The following MAP2 variants were observed in gnomAD, a reference collection of about 807,000 sequenced individuals.
MAP2 encodes the protein microtubule-associated protein 2.
A neutral mutation model predicts 137.6 loss-of-function variants in MAP2; 14 were observed. The ratio of observed to expected loss-of-function variants is 0.10; its 90% CI spans 0.07 to 0.16. The LOEUF (loss-of-function observed/expected upper bound fraction) is 0.16, where lower values mean the gene tolerates loss of function less well. Ranked by LOEUF, MAP2 falls within the 10% of genes least tolerant of loss-of-function variation. The pLI is 1.00. For missense variants in MAP2, 2,088 were observed against 2,191.5 expected (o/e 0.95, Z 0.94); for synonymous variants, 786 against 782.3 (o/e 1.00, Z -0.08).
chr2:209,531,245 C>G (rs2065066393), intron 2 of MAP2, among the ~76,000 whole-genome samples: 1 of 152,228 alleles, frequency 6.6e-6, no homozygotes, highest in East Asian at 1.9e-4. Flanking sequence ...CTCTTTATTT[C>G]TAAGTTCTTA....
At chr2:209,709,520 A>G (rs750774507) in intron 12 of MAP2, among the ~76,000 whole-genome samples, 3 of 152,176 alleles carry the variant, frequency 2.0e-5, no homozygotes, top group Non-Finnish European at 2.9e-5. Flanking sequence ...TGATCTACAT[A>G]TCATTCAAGG....
intron 4 of MAP2, among the ~76,000 whole-genome samples, chr2:209,651,346 C>T (rs183739328): frequency 6.4e-4 from 97 of 152,256 alleles, no homozygotes; most frequent in African/African-American, 2.2e-3. Context: ...TATCTGGGGA[C>T]GGATTTGCAA....
chr2:209,728,481 G>A (rs2153817050), intron 14 of MAP2, among the ~76,000 whole-genome samples: 1 of 152,292 alleles, frequency 6.6e-6, no homozygotes. Flanking sequence ...CAGTTTCTAA[G>A]CCTTAAAAGA....
At chr2:209,606,195 T>C (rs192430354) in intron 3 of MAP2, among the ~76,000 whole-genome samples, 428 of 152,302 alleles carry the variant, frequency 2.8e-3, no homozygotes, top group Non-Finnish European at 4.6e-3. Flanking sequence ...GAGAAGACTT[T>C]AATAAATTGT....
At chr2:209,601,289 T>C (rs1479668398) in intron 3 of MAP2, among the ~76,000 whole-genome samples, 1 of 152,188 alleles carries the variant, frequency 6.6e-6, no homozygotes, top group Non-Finnish European at 1.5e-5. Flanking sequence ...TTTTCTTTTT[T>C]TCAAGTTATA....
At chr2:209,654,341 G>A (rs2094998696) in intron 5 of MAP2, among the ~76,000 whole-genome samples, 1 of 152,230 alleles carries the variant, frequency 6.6e-6, no homozygotes. Context: ...AGAAATCCAT[G>A]TGAAATGGAA....
chr2:209,528,216 G>T (rs970984252), intron 2 of MAP2, among the ~76,000 whole-genome samples: 2 of 151,650 alleles, frequency 1.3e-5, no homozygotes, highest in Non-Finnish European at 2.9e-5. Context: ...TTCCCACATG[G>T]TATATGTATA....
rs573440196 is a variant in MAP2 at position 209,606,119 on chromosome 2, T to A, written c.-106-18934T>A. ...AATTTCTCCAATGTGTAAAATAATC[T>A]TCCTCACTCAAAATCGTATATCAAG... On this transcript the variant is annotated intron_variant, in intron 3 of 15. Transcript: ENST00000682079. Among the ~76,000 whole-genome samples the A allele has an allele frequency of 2.6e-5, 4 of 152,270 alleles. No individual in the cohort carries two copies. The South Asian group carries it at 8.3e-4, about 32-fold the overall frequency.
Position 209,490,605 on chromosome 2 carries a change from C to CAAAAAAAA in MAP2, c.-221-16964_-221-16957dup, listed in dbSNP as rs59133937. Among the ~76,000 whole-genome samples the CAAAAAAAA allele has an allele frequency of 1.6e-3, 9 of 5,562 alleles. 3 individuals are homozygous for CAAAAAAAA. Among genetic ancestry groups the CAAAAAAAA allele is most frequent in the Non-Finnish European group, 2.3e-3 (8 of 3,548 alleles). 3.6% of individuals were successfully genotyped at this position (5,562 alleles called of 152,430 possible). On this transcript the variant is annotated intron_variant, in intron 1 of 15. Transcript: ENST00000682079. ...GAAGATTTACCAAGCAAATGGAAAG[C>CAAAAAAAA]AAAAAAAAAAAAAAAAAAAAAAAAA... is the stretch of plus-strand genomic sequence containing the variant.
intron 1 of MAP2, among the ~76,000 whole-genome samples, chr2:209,459,389 C>G (rs1021489538): frequency 6.6e-6 from 1 of 152,122 alleles, no homozygotes; most frequent in Non-Finnish European, 1.5e-5. Context: ...TTATTATTTT[C>G]CTCTGGAACT....
In MAP2 at chr2:209,575,296, C is replaced by T. The variant is rs182770993; in HGVS notation, c.-171-4740C>T. 1.0e-3 allele frequency among the ~76,000 whole-genome samples: 159 copies of T among 151,904 alleles called. 1 individual carries two copies. The highest frequency in any genetic ancestry group is 2.6e-3 in the African/African-American group (106 of 41,454). On this transcript the variant is annotated intron_variant, in intron 2 of 15. Coordinates refer to ENST00000682079, the MANE Select transcript of MAP2 (RefSeq NM_001375505.1). ...CAGCACTTTGGGAGGCCAAGGCGGG[C>T]GGATCACGAGGTCAGAAGATCGAGA...
intron 4 of MAP2, among the ~76,000 whole-genome samples, chr2:209,643,249 T>G (rs60138527): frequency 0.14 from 21,459 of 152,158 alleles, 1,953 homozygotes; most frequent in African/African-American, 0.25. Flanking sequence ...TTTTGCCAAT[T>G]TTTGAGAGTA....
intron 5 of MAP2, among the ~76,000 whole-genome samples, chr2:209,666,762 A>T (rs576804053): frequency 6.6e-6 from 1 of 152,068 alleles, no homozygotes; most frequent in East Asian, 1.9e-4. Flanking sequence ...GAAGAAAAAA[A>T]TTTTATCATC....
chr2:209,661,454 C>A, intron 5 of MAP2: 1 of 957,796 alleles, frequency 1.0e-6, no homozygotes, highest in Non-Finnish European at 1.2e-6. Context: ...TGCCATTTCC[C>A]TGAGCTCCGC....
chr2:209,506,157 A>G (rs2061029239), intron 1 of MAP2, among the ~76,000 whole-genome samples: 1 of 152,162 alleles, frequency 6.6e-6, no homozygotes, highest in Non-Finnish European at 1.5e-5. Context: ...CATTAATCTT[A>G]AATGTCCTTC....
At chr2:209,597,553 T>A (rs2081609296) in intron 3 of MAP2, among the ~76,000 whole-genome samples, 1 of 152,168 alleles carries the variant, frequency 6.6e-6, no homozygotes, top group Middle Eastern at 3.2e-3. Context: ...ACATGGTAGC[T>A]GGACTTAGTT....
chr2:209,555,490 A>G (rs2153320425), intron 2 of MAP2, among the ~76,000 whole-genome samples: 1 of 152,294 alleles, frequency 6.6e-6, no homozygotes, highest in South Asian at 2.1e-4. Flanking sequence ...ATTAAGGCTT[A>G]TGACTGGACT....
chr2:209,723,726 G>T, intron 13 of MAP2: 1 of 1,429,120 alleles, frequency 7.0e-7, no homozygotes, highest in South Asian at 1.1e-5. Context: ...TCCTGATTGC[G>T]TGGAGCCACC....
Position 209,605,929 on chromosome 2 carries a change from A to G in MAP2, c.-106-19124A>G, listed in dbSNP as rs528695810. 5.4e-4 allele frequency among the ~76,000 whole-genome samples: 82 copies of G among 152,200 alleles called. 1 individual carries two copies. Among genetic ancestry groups the G allele is most frequent in the Admixed American group, 2.3e-3 (35 of 15,272 alleles). Reference sequence around the variant, plus strand: ...CAGATATTAGCATCTTCTGACAAGTATCTGGAAATCAACTCAAGAGGAAAG... The same window carrying G: ...CAGATATTAGCATCTTCTGACAAGTGTCTGGAAATCAACTCAAGAGGAAAG... On this transcript the variant is annotated intron_variant, in intron 3 of 15. Coordinates refer to ENST00000682079, the MANE Select transcript of MAP2 (RefSeq NM_001375505.1).
Sources: gnomAD v4.1 joint callset for allele counts (sites outside exome capture counted in the v4.1 genomes callset) on GRCh38, gnomAD v4.1.1 for gene constraint, MANE v1.5 for transcripts, NCBI Gene and HGNC (gene_info 2026-07-23, HGNC 2026-07-21) for gene names.